YTHDF1: variants seen among roughly 807,000 people sequenced by gnomAD.
The protein encoded by YTHDF1 is YTH N6-methyladenosine RNA binding protein F1.
A neutral mutation model predicts 49.1 loss-of-function variants in YTHDF1; 16 were observed. The ratio of observed to expected loss-of-function variants is 0.33; its 90% CI spans 0.22 to 0.49. YTHDF1 has a LOEUF of 0.49. YTHDF1 is among the 20% of genes least tolerant of loss of function. The probability of loss-of-function intolerance (pLI) is 0.99; values close to 1 mark genes in which losing one functional copy is unlikely to be tolerated. For synonymous variants in YTHDF1, 313 were observed against 290.1 expected (o/e 1.08, Z -0.80); for missense variants, 621 against 744.3 (o/e 0.83, Z 1.93).
intron 4 of YTHDF1, among the ~76,000 whole-genome samples, chr20:63,200,320 T>A (rs1301531407): frequency 6.7e-6 from 1 of 150,224 alleles, no homozygotes; most frequent in Non-Finnish European, 1.5e-5. Flanking sequence ...AAAATTGCAC[T>A]ACTGCACTCC....
chr20:63,199,145 A>G (rs1200554233), intron 4 of YTHDF1, among the ~76,000 whole-genome samples: 1 of 152,248 alleles, frequency 6.6e-6, no homozygotes, highest in Non-Finnish European at 1.5e-5. Context: ...AAGTCCTGAG[A>G]GAACCTTGAG....
rs750385051 is a variant in YTHDF1, at chr20:63,203,615, C to G, written c.325G>C (p.Gly109Arg). 15 of 1,614,198 alleles carry G rather than the reference C, an allele frequency of 9.3e-6. No individual in the cohort carries two copies. The highest frequency in any genetic ancestry group is 1.1e-5 in the Non-Finnish European group (13 of 1,180,036). Residue 109 changes from glycine (G) to arginine (R), a missense_variant, in exon 4 of 5, where the codon GGG becomes CGG. Physicochemically the swap from Gly to Arg is moderately radical, Grantham distance 125. Around this residue, in one of 2 missense-constraint regions of YTHDF1, gnomAD observed 470 missense variants for 495.8 expected, o/e 0.95. Coordinates refer to ENST00000370339, the MANE Select transcript of YTHDF1 (RefSeq NM_017798.4). This position sits in a 1 kb window ranked among gnomAD's most constrained non-coding sequence, Gnocchi z 4.4. Reference sequence around the variant, plus strand: ...TGATAGATGTTGTTCCCCAGGCCCCCAGGCTGCCCAAAAACAGCATCGTGC... The same window carrying G: ...TGATAGATGTTGTTCCCCAGGCCCCGAGGCTGCCCAAAAACAGCATCGTGC... ...FMHDAVFGQP[G>R]GLGNNIYQHR...
rs1601243085 is a variant in YTHDF1 at position 63,216,103 on chromosome 20, TCGACTCCAATGGCGGCGGCGGCGG to T, written c.-235_-212del. 2 of 191,808 alleles carry T rather than the reference TCGACTCCAATGGCGGCGGCGGCGG, an allele frequency of 1.0e-5. No homozygotes were observed. Among genetic ancestry groups the T allele is most frequent in the East Asian group, 2.0e-4 (1 of 5,124 alleles). 11.9% of individuals were successfully genotyped at this position (191,808 alleles called of 1,614,324 possible). On this transcript the variant is annotated 5_prime_UTR_variant, in exon 1 of 5. Transcript: ENST00000370339. Reference sequence around the variant, plus strand: ...GGGACGCGGACGCACTGAGGAGGCGTCGACTCCAATGGCGGCGGCGGCGGCGACAGCAGCGGCGACGGCGGCGGC... The same window carrying T: ...GGGACGCGGACGCACTGAGGAGGCGTCGACAGCAGCGGCGACGGCGGCGGC...
intron 3 of YTHDF1, among the ~76,000 whole-genome samples, chr20:63,212,016 T>C (rs2066577021): frequency 6.6e-6 from 1 of 150,630 alleles, no homozygotes. Flanking sequence ...CACTTTTAAG[T>C]GTACTGATGC....
At position 63,196,689 on chromosome 20, in the gene YTHDF1, G is replaced by T; in HGVS notation, c.*19C>A. On this transcript the variant is annotated 3_prime_UTR_variant, in exon 5 of 5. Coordinates refer to ENST00000370339, the MANE Select transcript of YTHDF1 (RefSeq NM_017798.4). ...TTTTCAAAGTCAAACGTTAGAACAT[G>T]TAAGAAACTGGTTCGCCCTCATTGT... is the stretch of plus-strand genomic sequence containing the variant. The T allele has an allele frequency of 6.2e-7, 1 of 1,613,902 alleles. No individual in the cohort carries two copies. The highest frequency in any genetic ancestry group is 8.5e-7 in the Non-Finnish European group (1 of 1,179,888).
intron 4 of YTHDF1, among the ~76,000 whole-genome samples, chr20:63,201,805 AG>A (rs2066518589): frequency 6.6e-6 from 1 of 152,224 alleles, no homozygotes; most frequent in Non-Finnish European, 1.5e-5. Flanking sequence ...CCAACTACTG[AG>A]GGACAGTGCC....
intron 3 of YTHDF1, among the ~76,000 whole-genome samples, chr20:63,207,610 G>A (rs766800603): frequency 5.9e-5 from 9 of 152,200 alleles, no homozygotes; most frequent in Non-Finnish European, 1.0e-4. Flanking sequence ...CCATGATCCT[G>A]TTACTCTGCA....
chr20:63,204,319 C>T (rs2066534361), intron 3 of YTHDF1, among the ~76,000 whole-genome samples: 1 of 152,190 alleles, frequency 6.6e-6, no homozygotes, highest in Non-Finnish European at 1.5e-5. Flanking sequence ...GCCCTGGGCG[C>T]CCACCTCTGG....
At position 63,202,644 on chromosome 20, in the gene YTHDF1, C is replaced by G. The variant is rs1375773202; in HGVS notation, c.1296G>C (p.Gly432=). ...DSAFRCMSSK[G]PVYLLFSVNG... ...TGACGCTGAAGAGCAGGTAGACGGG[C>G]CCCTTGCTGCTCATGCAGCGGAAGG... is the stretch of plus-strand genomic sequence containing the variant. The change falls in exon 4 of 5, where the codon GGG becomes GGC. Residue 432 remains glycine, a synonymous_variant. Coordinates refer to ENST00000370339, the MANE Select transcript of YTHDF1 (RefSeq NM_017798.4). 58 of 1,613,726 alleles carry G rather than the reference C, an allele frequency of 3.6e-5. No individual in the cohort carries two copies. Among genetic ancestry groups the G allele is most frequent in the Non-Finnish European group, 4.4e-5 (52 of 1,180,052 alleles).
At chr20:63,204,078 T>C (rs1193952682) in intron 3 of YTHDF1, among the ~76,000 whole-genome samples, 3 of 152,224 alleles carry the variant, frequency 2.0e-5, no homozygotes, top group African/African-American at 7.2e-5. Context: ...TATGCCTCTC[T>C]AGAACTGGCA....
rs145579455 is a variant in YTHDF1, at chr20:63,202,815, G to A, written c.1125C>T (p.His375=). 67 of 1,614,014 alleles carry A rather than the reference G, an allele frequency of 4.2e-5. No individual in the cohort carries two copies. The African/African-American group carries it at 8.3e-4, about 20-fold the overall frequency. The change falls in exon 4 of 5, where the codon CAC becomes CAT. Residue 375 remains histidine (H), a synonymous_variant. Coordinates refer to ENST00000370339, the MANE Select transcript of YTHDF1 (RefSeq NM_017798.4). ...HPVLEKLKAA[H]SYNPKEFEWN... ...ACTCAAACTCTTTCGGGTTGTAGCT[G>A]TGAGCAGCCTTCAGTTTTTCAAGGA... is the stretch of plus-strand genomic sequence containing the variant.
rs1420798120 is a variant in YTHDF1 at position 63,216,082 on chromosome 20, C to T, written c.-190G>A. 5 of 255,140 alleles carry T rather than the reference C, an allele frequency of 2.0e-5. No homozygotes were observed. Among genetic ancestry groups the T allele is most frequent in the Non-Finnish European group, 3.1e-5 (5 of 163,458 alleles). The allele number at this position is 255,140 out of a possible 1,614,324, so 15.8% of individuals were successfully genotyped here. On this transcript the variant is annotated 5_prime_UTR_variant, in exon 1 of 5. Coordinates refer to ENST00000370339, the MANE Select transcript of YTHDF1 (RefSeq NM_017798.4). ...GGCGGCAGCGGCGGTGAGCCCGGGA[C>T]GCGGACGCACTGAGGAGGCGTCGAC... is the stretch of plus-strand genomic sequence containing the variant.
chr20:63,209,125 A>C (rs2066561854), intron 3 of YTHDF1, among the ~76,000 whole-genome samples: 1 of 152,258 alleles, frequency 6.6e-6, no homozygotes, highest in South Asian at 2.1e-4. Flanking sequence ...AGAACGGGAC[A>C]CCTGTACAGA....
In YTHDF1 at chr20:63,213,939, T is replaced by C. The variant is rs746179019; in HGVS notation, c.57A>G (p.Gln19=). 3 of 1,571,516 alleles carry C rather than the reference T, an allele frequency of 1.9e-6. No individual in the cohort carries two copies. Among genetic ancestry groups the C allele is most frequent in the African/African-American group, 1.4e-5 (1 of 71,534 alleles). Residue 19 remains glutamine, a synonymous_variant, in exon 3 of 5, where the codon CAA becomes CAG. Coordinates refer to ENST00000370339, the MANE Select transcript of YTHDF1 (RefSeq NM_017798.4). ...QRTKGQDNKV[Q]NGSLHQKDTV... is the part of the protein sequence containing the mutation. ...TATCCTTCTGATGTAACGAACCATT[T>C]TGTACTAGAACAAAAAGTTGCAAAA...
intron 1 of YTHDF1, 107 bp downstream of exon 1, chr20:63,215,759 C>A: frequency 1.5e-6 from 2 of 1,376,148 alleles, no homozygotes; most frequent in South Asian, 1.6e-5. Flanking sequence ...CCGGTCCCGC[C>A]TGGGCCCGGC....
At chr20:63,214,047 A>C (rs570855789) in intron 2 of YTHDF1, 104 bp from the exon 3 acceptor site, 135 of 1,454,568 alleles carry the variant, frequency 9.3e-5, no homozygotes, top group Non-Finnish European at 1.2e-4. Flanking sequence ...TTCTAGCAGA[A>C]ATTATGCTTT....
intron 3 of YTHDF1, among the ~76,000 whole-genome samples, chr20:63,204,492 G>A (rs1018598449): frequency 1.3e-5 from 2 of 152,302 alleles, no homozygotes; most frequent in South Asian, 2.1e-4. Context: ...TGGGCACAGC[G>A]TTGGGCTCTT....
intron 4 of YTHDF1, among the ~76,000 whole-genome samples, chr20:63,199,058 A>G (rs1299235959): frequency 1.3e-5 from 2 of 152,242 alleles, no homozygotes; most frequent in Non-Finnish European, 2.9e-5. Flanking sequence ...CACTTTCTCA[A>G]CACTCAACTT....
At chr20:63,215,629 G>A (rs1178067944) in intron 1 of YTHDF1, 28 bp from the exon 2 acceptor site, 1 of 1,600,632 alleles carries the variant, frequency 6.2e-7, no homozygotes, top group Non-Finnish European at 8.5e-7. Context: ...GGGACGTGGG[G>A]TACACACAAC....
Sources: allele counts gnomAD v4.1 joint callset (sites outside exome capture counted in the v4.1 genomes callset), GRCh38; gene constraint gnomAD v4.1.1; regional missense constraint gnomAD v4.1.1; non-coding constraint Gnocchi (gnomAD v3.1); transcripts MANE v1.5; gene names NCBI Gene and HGNC (gene_info 2026-07-23, HGNC 2026-07-21).